NCK2: variants seen among roughly 807,000 people sequenced by gnomAD.
NCK2 encodes the protein cytoplasmic protein NCK2.
A neutral mutation model predicts 33.9 loss-of-function variants in NCK2; 16 were observed. The observed-to-expected ratio is 0.47, with a 90% CI of 0.32 to 0.72. The LOEUF is 0.72. Among genes scored for constraint, NCK2 ranks in the 30% least tolerant of loss-of-function variants. The pLI is 0.03. For missense variants in NCK2, 418 were observed against 537.3 expected, an observed-to-expected ratio of 0.78 and a Z score of 2.19; for synonymous variants, 273 against 239.9, an observed-to-expected ratio of 1.14 and a Z score of -1.27.
At chr2:105,862,354 A>G (rs1677574405) in intron 3 of NCK2, among the ~76,000 whole-genome samples, 1 of 152,210 alleles carries the variant, frequency 6.6e-6, no homozygotes, top group Non-Finnish European at 1.5e-5. Flanking sequence ...ACATAAATTT[A>G]TGAAAATGTC....
chr2:105,786,795 T>A (rs1325636617), intron 1 of NCK2, among the ~76,000 whole-genome samples: 1 of 152,200 alleles, frequency 6.6e-6, no homozygotes, highest in Non-Finnish European at 1.5e-5. Context: ...TGCTTCCTCC[T>A]GGGTTTGTTC....
chr2:105,866,752 TG>T (rs560149825), intron 3 of NCK2, among the ~76,000 whole-genome samples: 60 of 152,280 alleles, frequency 3.9e-4, no homozygotes, highest in African/African-American at 1.4e-3. Context: ...CCCGGGGGGT[TG>T]GGGACCCCTG....
intron 4 of NCK2, among the ~76,000 whole-genome samples, chr2:105,891,604 A>G (rs1226665130): frequency 8.2e-6 from 1 of 121,464 alleles, no homozygotes; most frequent in Non-Finnish European, 1.6e-5. Context: ...ACCAGAGTGC[A>G]GTGGCGTGAT....
chr2:105,871,213 C>T (rs150556124), intron 3 of NCK2, among the ~76,000 whole-genome samples: 95 of 152,038 alleles, frequency 6.2e-4, no homozygotes, highest in African/African-American at 2.2e-3. Context: ...TTGTCCTTCC[C>T]AAGGAGATAA....
chr2:105,753,340 T>G (rs189417783), intron 1 of NCK2, among the ~76,000 whole-genome samples: 1 of 152,326 alleles, frequency 6.6e-6, no homozygotes, highest in East Asian at 1.9e-4. Context: ...TTGGCCTGGC[T>G]GCTCCTCTCC....
At chr2:105,785,486 G>A (rs1416566525) in intron 1 of NCK2, among the ~76,000 whole-genome samples, 9 of 152,178 alleles carry the variant, frequency 5.9e-5, no homozygotes, top group Non-Finnish European at 1.2e-4. Context: ...AAAGTGACAC[G>A]ACCAAAAGAC....
chr2:105,757,778 A>G (rs1689639573), intron 1 of NCK2, among the ~76,000 whole-genome samples: 1 of 152,206 alleles, frequency 6.6e-6, no homozygotes, highest in Non-Finnish European at 1.5e-5. Flanking sequence ...TCTAACCTCT[A>G]ACCCAACCCC....
intron 1 of NCK2, among the ~76,000 whole-genome samples, chr2:105,807,660 T>C (rs1205183779): frequency 6.6e-6 from 1 of 151,862 alleles, no homozygotes; most frequent in African/African-American, 2.4e-5. Context: ...ACCCACAAGG[T>C]AGTTGTTTTT....
chr2:105,806,062 T>G (rs1675021405), intron 1 of NCK2, among the ~76,000 whole-genome samples: 1 of 152,080 alleles, frequency 6.6e-6, no homozygotes, highest in Non-Finnish European at 1.5e-5. Flanking sequence ...CTGTGGCCCT[T>G]CCCATGAAGT....
At chr2:105,777,485 C>A (rs1690348706) in intron 1 of NCK2, among the ~76,000 whole-genome samples, 1 of 152,102 alleles carries the variant, frequency 6.6e-6, no homozygotes, top group African/African-American at 2.4e-5. Context: ...GTGGTAGGTG[C>A]TGTGCATTTT....
chr2:105,763,713 G>A (rs1689840600), intron 1 of NCK2, among the ~76,000 whole-genome samples: 1 of 152,168 alleles, frequency 6.6e-6, no homozygotes, highest in Non-Finnish European at 1.5e-5. Flanking sequence ...AAAATCTCTT[G>A]TGTGAAAAAG....
intron 1 of NCK2, among the ~76,000 whole-genome samples, chr2:105,811,231 C>A (rs569063119): frequency 2.0e-5 from 3 of 151,738 alleles, no homozygotes; most frequent in African/African-American, 7.3e-5. Context: ...ATTTTTGGCA[C>A]CACATCATCA....
At chr2:105,854,844 T>C in intron 2 of NCK2, 1 of 501,884 alleles carries the variant, frequency 2.0e-6, no homozygotes, top group Non-Finnish European at 3.6e-6. Flanking sequence ...ACATAAGATT[T>C]GTTTTATAAG....
chr2:105,877,287 G>A (rs1012274628), intron 3 of NCK2, among the ~76,000 whole-genome samples: 3 of 152,048 alleles, frequency 2.0e-5, no homozygotes, highest in African/African-American at 4.8e-5. Flanking sequence ...TCAGGAGGGC[G>A]GCACACATTA....
At chr2:105,803,308 G>A (rs1018192922) in intron 1 of NCK2, among the ~76,000 whole-genome samples, 109 of 152,192 alleles carry the variant, frequency 7.2e-4, no homozygotes, top group African/African-American at 2.5e-3. Context: ...TTATAGGCAC[G>A]TTTTCTTGCA....
At chr2:105,771,990 C>T (rs746094322) in intron 1 of NCK2, among the ~76,000 whole-genome samples, 4 of 152,136 alleles carry the variant, frequency 2.6e-5, no homozygotes, top group African/African-American at 7.2e-5. Context: ...TGGATATTGT[C>T]GTCAAAGTGT....
At chr2:105,748,257 C>T (rs759770846) in intron 1 of NCK2, among the ~76,000 whole-genome samples, 29 of 152,288 alleles carry the variant, frequency 1.9e-4, no homozygotes, top group Admixed American at 4.6e-4. Flanking sequence ...TCCCAAGGGT[C>T]GTCTCTTACT....
At chr2:105,747,271 A>G (rs1179823315) in intron 1 of NCK2, among the ~76,000 whole-genome samples, 3 of 152,236 alleles carry the variant, frequency 2.0e-5, no homozygotes, top group Non-Finnish European at 2.9e-5. Context: ...ACACAGTACT[A>G]TATTTGAGAA....
intron 3 of NCK2, among the ~76,000 whole-genome samples, chr2:105,879,298 C>G (rs893218669): frequency 5.9e-5 from 9 of 152,202 alleles, no homozygotes; most frequent in Non-Finnish European, 1.3e-4. Context: ...TTGATAAGGC[C>G]GTGAGGCCTT....
Sources: gnomAD v4.1 joint callset for allele counts (sites outside exome capture counted in the v4.1 genomes callset) on GRCh38, gnomAD v4.1.1 for gene constraint, MANE v1.5 for transcripts, NCBI Gene and HGNC (gene_info 2026-07-23, HGNC 2026-07-21) for gene names.